The following SUPT6H variants were observed in gnomAD, a reference collection of about 807,000 sequenced individuals.
The protein encoded by SUPT6H is SPT6 homolog, histone chaperone and transcription elongation factor.
A neutral mutation model predicts 222.3 loss-of-function variants in SUPT6H; 11 were observed. The observed-to-expected ratio is 0.05, with a 90% CI of 0.03 to 0.08. The LOEUF (loss-of-function observed/expected upper bound fraction) is 0.08, where lower values mean the gene tolerates loss of function less well. Ranked by LOEUF, SUPT6H falls within the 10% of genes least tolerant of loss-of-function variation. The pLI, the probability that SUPT6H is intolerant of heterozygous loss-of-function variation, is 1.00. For synonymous variants in SUPT6H, 762 were observed against 801.2 expected (o/e 0.95, Z 0.83); for missense variants, 1,422 against 2,216.0 (o/e 0.64, Z 7.19).
chr17:28,681,441 G>A lies in SUPT6H; in HGVS notation c.1498+37G>A, dbSNP rs191164541. On this transcript the variant is annotated intron_variant, in intron 12 of 36. Coordinates refer to ENST00000314616, the MANE Select transcript of SUPT6H (RefSeq NM_003170.5). ...AAAAGAAAATCCAGGAGATTTGATG[G>A]CCATGCATGATGGCTCACGCATGTA... 376 of 1,556,916 alleles carry A rather than the reference G, an allele frequency of 2.4e-4. 1 individual carries two copies. In the African/African-American group the frequency reaches 4.5e-3, roughly 18 times the overall value.
intron 23 of SUPT6H, 125 bp from the exon 24 acceptor site, chr17:28,687,966 C>A: frequency 1.0e-6 from 1 of 993,032 alleles, no homozygotes; most frequent in Non-Finnish European, 1.4e-6. Flanking sequence ...CGATAGCATG[C>A]TGTAGTGCTC....
chr17:28,674,284 T>TGAGGAG lies in SUPT6H; in HGVS notation c.124_129dup (p.Glu42_Glu43dup), dbSNP rs749059738. ...GCCTCAAACATGCATGTCTTCCAGA[T>TGAGGAG]GAGGAGGAGGAGGAGGAGAACCTAG... On this transcript the variant is annotated inframe_insertion and splice_region_variant, in exon 3 of 37. Transcript: ENST00000314616. 5.0e-6 allele frequency: 8 copies of TGAGGAG among 1,612,880 alleles called. No homozygotes were observed. The highest frequency in any genetic ancestry group is 6.8e-6 in the Non-Finnish European group (8 of 1,179,356).
chr17:28,700,779 C>T (rs1176942549), intron 35 of SUPT6H, 162 bp from the exon 36 acceptor site: 25 of 980,916 alleles, frequency 2.5e-5, no homozygotes, highest in Non-Finnish European at 3.4e-5. Context: ...ACTGTGTGCT[C>T]GGTGCTGACC....
rs1044215101 is a variant in SUPT6H, at chr17:28,691,196, C to T, written c.3633+133C>T. ...CAAGTACACAAAGAAGGAAGACGGACGGGAAACACACAGGTTTAGCATGAA... is the reference window on the plus strand; with the variant it reads ...CAAGTACACAAAGAAGGAAGACGGATGGGAAACACACAGGTTTAGCATGAA... On this transcript the variant is annotated intron_variant, in intron 27 of 36. Coordinates refer to ENST00000314616, the MANE Select transcript of SUPT6H (RefSeq NM_003170.5). 36 of 1,223,398 alleles carry T rather than the reference C, an allele frequency of 2.9e-5. 1 individual carries two copies. Among genetic ancestry groups the T allele is most frequent in the South Asian group, 1.9e-4 (13 of 68,620 alleles). The allele number at this position is 1,223,398 out of a possible 1,614,324, so 75.8% of individuals were successfully genotyped here. A position where few individuals can be genotyped will look rare whatever the true frequency, so the allele number is the denominator to read the frequency against.
intron 27 of SUPT6H, among the ~76,000 whole-genome samples, chr17:28,693,369 G>A (rs961950897): frequency 1.3e-5 from 2 of 152,008 alleles, no homozygotes; most frequent in African/African-American, 2.4e-5. Context: ...GCTGAGGCAC[G>A]AGAATCGGCT....
chr17:28,684,939 G>A lies in SUPT6H; in HGVS notation c.2465G>A (p.Arg822Lys), dbSNP rs1434652268. 1 of 1,614,158 alleles carries A rather than the reference G, an allele frequency of 6.2e-7. No individual in the cohort carries two copies. Among genetic ancestry groups the A allele is most frequent in the South Asian group, 1.1e-5 (1 of 91,042 alleles). The part of the protein sequence containing the change: ...PHFTKRRTAW[R>K]EEEREKKAQD... Reference sequence around the variant, plus strand: ...TTTACCAAACGGCGAACTGCATGGAGAGAGGAAGAGCGGGAAAAGAAGGCA... The same window carrying A: ...TTTACCAAACGGCGAACTGCATGGAAAGAGGAAGAGCGGGAAAAGAAGGCA... Residue 822 changes from arginine (R) to lysine (K), a missense_variant, in exon 19 of 37, where the codon AGA (arginine) becomes AAA (lysine). Arg to Lys is a conservative substitution (Grantham distance 26). Coordinates refer to ENST00000314616, the MANE Select transcript of SUPT6H (RefSeq NM_003170.5).
intron 15 of SUPT6H, 82 bp downstream of exon 15, chr17:28,683,174 T>C: frequency 6.4e-7 from 1 of 1,572,158 alleles, no homozygotes; most frequent in Non-Finnish European, 8.6e-7. Flanking sequence ...TCCACTTCAC[T>C]GAGCTGTGTG....
At chr17:28,675,628 G>A in intron 6 of SUPT6H, 143 bp downstream of exon 6, 1 of 804,836 alleles carries the variant, frequency 1.2e-6, no homozygotes, top group Non-Finnish European at 2.0e-6. Context: ...CCTCTACCAG[G>A]CAGTGATTTC....
intron 6 of SUPT6H, 108 bp downstream of exon 6, chr17:28,675,593 C>A: frequency 8.6e-7 from 1 of 1,162,336 alleles, no homozygotes; most frequent in Non-Finnish European, 1.3e-6. Flanking sequence ...AGCTTGCAGC[C>A]ATTTTGCTTC....
rs561572434 is a variant in SUPT6H at position 28,686,685 on chromosome 17, C to T, written c.2596C>T (p.Arg866Cys). Reference protein sequence around the residue: ...DAQMLIEDVKRIVHELDQGQQ... With the variant: ...DAQMLIEDVKCIVHELDQGQQ... ...CCAGATGTTGATTGAAGATGTGAAG[C>T]GCATTGTACATGAGCTGGACCAGGG... Residue 866 changes from arginine to cysteine, a missense_variant, in exon 21 of 37, where the codon CGC (arginine) becomes TGC (cysteine). Around this residue, in one of 13 missense-constraint regions of SUPT6H, gnomAD observed 294 missense variants for 382.1 expected, o/e 0.77. Coordinates refer to ENST00000314616, the MANE Select transcript of SUPT6H (RefSeq NM_003170.5). The T allele has an allele frequency of 3.1e-6, 5 of 1,604,484 alleles. No individual in the cohort carries two copies. The highest frequency in any genetic ancestry group is 2.2e-5 in the South Asian group (2 of 89,320).
chr17:28,687,533 C>CT lies in SUPT6H; in HGVS notation c.3006+65dup, dbSNP rs767771065. On this transcript the variant is annotated intron_variant, in intron 23 of 36. Coordinates refer to ENST00000314616, the MANE Select transcript of SUPT6H (RefSeq NM_003170.5). Reference sequence around the variant, plus strand: ...CCATTTCATTGAATATGAATATATACTTTGTCAGTATAATTTGACAGATTG... The same window carrying CT: ...CCATTTCATTGAATATGAATATATACTTTTGTCAGTATAATTTGACAGATTG... 6.6e-5 allele frequency: 102 copies of CT among 1,539,746 alleles called. 1 individual carries two copies. Among genetic ancestry groups the CT allele is most frequent in the Non-Finnish European group, 7.8e-5 (88 of 1,134,058 alleles).
Position 28,682,867 on chromosome 17 carries a change from A to G in SUPT6H, c.1727+11A>G. Reference sequence around the variant, plus strand: ...GGATTACGTTTGCAGGTAGGCATGCAGCAGGTGGCTGACAGGAGGAGGGGC... The same window carrying G: ...GGATTACGTTTGCAGGTAGGCATGCGGCAGGTGGCTGACAGGAGGAGGGGC... On this transcript the variant is annotated intron_variant, in intron 14 of 36. Coordinates refer to ENST00000314616, the MANE Select transcript of SUPT6H (RefSeq NM_003170.5). The G allele has an allele frequency of 6.2e-7, 1 of 1,614,122 alleles. No individual in the cohort carries two copies. Among genetic ancestry groups the G allele is most frequent in the Non-Finnish European group, 8.5e-7 (1 of 1,180,014 alleles).
rs1187796212 is a variant in SUPT6H, at chr17:28,688,965, A to G, written c.3135-389A>G. 1 of 184,624 alleles carries G rather than the reference A, an allele frequency of 5.4e-6. No homozygotes were observed. Among genetic ancestry groups the G allele is most frequent in the Non-Finnish European group, 1.1e-5 (1 of 87,662 alleles). The allele number at this position is 184,624 out of a possible 1,614,324, so 11.4% of individuals were successfully genotyped here. A position where few individuals can be genotyped will look rare whatever the true frequency, so the allele number is the denominator to read the frequency against. On this transcript the variant is annotated intron_variant, in intron 24 of 36. Transcript: ENST00000314616. This position sits in a 1 kb window ranked among gnomAD's most constrained non-coding sequence, Gnocchi z 4.3. ...TATGAGACTCATATAAGTTCATCAT[A>G]TAAAATTCAACATATAGAAATATTA...
chr17:28,678,132 G>A lies in SUPT6H; in HGVS notation c.1056G>A (p.Gly352=), dbSNP rs779251060. The change falls in exon 9 of 37, where the codon GGG becomes GGA. Residue 352 remains glycine (G), a synonymous_variant. Transcript: ENST00000314616. ...GQPASSFSRK[G]PSTIQKIKEA... ...CAGCCAGCAGCTTCAGTCGGAAAGGGCCCAGCACAATTCAGAAGATCAAAG... is the reference window on the plus strand; with the variant it reads ...CAGCCAGCAGCTTCAGTCGGAAAGGACCCAGCACAATTCAGAAGATCAAAG... 3.1e-6 allele frequency: 5 copies of A among 1,611,456 alleles called. No individual in the cohort carries two copies. The Admixed American group carries it at 5.1e-5, about 16-fold the overall frequency.
At chr17:28,686,563 C>A in intron 20 of SUPT6H, 91 bp from the exon 21 acceptor site, 1 of 1,543,974 alleles carries the variant, frequency 6.5e-7, no homozygotes, top group East Asian at 2.3e-5. Context: ...CTTCAAAGCC[C>A]TTTCCTCCCC....
chr17:28,688,969 A>G lies in SUPT6H; in HGVS notation c.3135-385A>G, dbSNP rs969224367. 5.4e-6 allele frequency: 1 copy of G among 184,568 alleles called. No homozygotes were observed. Among genetic ancestry groups the G allele is most frequent in the African/African-American group, 2.4e-5 (1 of 41,860 alleles). 11.4% of individuals were successfully genotyped at this position (184,568 alleles called of 1,614,324 possible). On this transcript the variant is annotated intron_variant, in intron 24 of 36. Transcript: ENST00000314616. The surrounding 1 kb of genome is among the most constrained non-coding windows in gnomAD (Gnocchi z 4.3). ...AGACTCATATAAGTTCATCATATAA[A>G]ATTCAACATATAGAAATATTATGCA...
At chr17:28,674,738 T>C in intron 4 of SUPT6H, 125 bp downstream of exon 4, 5 of 956,524 alleles carry the variant, frequency 5.2e-6, no homozygotes, top group Middle Eastern at 2.7e-4. Flanking sequence ...GTGTTCGGTA[T>C]CATTGTACTA....
At chr17:28,668,173 C>G (rs1468413535) in intron 1 of SUPT6H, among the ~76,000 whole-genome samples, 1 of 152,306 alleles carries the variant, frequency 6.6e-6, no homozygotes, top group South Asian at 2.1e-4. Context: ...CTCCCTCCAT[C>G]TCCCCACTGC....
In SUPT6H at chr17:28,678,594, A is replaced by G; in HGVS notation, c.1166A>G (p.His389Arg). The G allele has an allele frequency of 6.2e-7, 1 of 1,614,144 alleles. No homozygotes were observed. Among genetic ancestry groups the G allele is most frequent in the Non-Finnish European group, 8.5e-7 (1 of 1,180,008 alleles). ...YRKEYVEPEL[H>R]INDLWRVWQW... ...AAGGAGTATGTGGAGCCTGAGTTGC[A>G]CATCAATGACCTATGGAGAGTCTGG... The change falls in exon 10 of 37, where the codon CAC becomes CGC. Residue 389 changes from histidine to arginine, a missense_variant. Coordinates refer to ENST00000314616, the MANE Select transcript of SUPT6H (RefSeq NM_003170.5).
Sources: gnomAD v4.1 joint callset for allele counts (sites outside exome capture counted in the v4.1 genomes callset) on GRCh38, gnomAD v4.1.1 for gene constraint, gnomAD v4.1.1 regional missense constraint, Gnocchi (gnomAD v3.1) non-coding constraint, MANE v1.5 for transcripts, NCBI Gene and HGNC (gene_info 2026-07-23, HGNC 2026-07-21) for gene names.